GID4: variants seen among roughly 807,000 people sequenced by gnomAD.
The protein encoded by GID4 is GID complex subunit 4 homolog.
Under a neutral mutation model 32.4 loss-of-function variants are expected in GID4, and 7 were observed. The ratio of observed to expected loss-of-function variants is 0.22; its 90% CI spans 0.12 to 0.41. The LOEUF (loss-of-function observed/expected upper bound fraction) is 0.41. Ranked by LOEUF, GID4 falls within the 10% of genes least tolerant of loss-of-function variation. The probability of loss-of-function intolerance (pLI) is 1.00; values close to 1 mark genes in which losing one functional copy is unlikely to be tolerated. For missense variants in GID4, 309 were observed against 400.0 expected, an observed-to-expected ratio of 0.77 and a Z score of 1.94; for synonymous variants, 166 against 170.0, an observed-to-expected ratio of 0.98 and a Z score of 0.18.
At chr17:18,044,320 T>C (rs2044831707) in intron 1 of GID4, among the ~76,000 whole-genome samples, 1 of 152,144 alleles carries the variant, frequency 6.6e-6, no homozygotes, top group South Asian at 2.1e-4. Context: ...AAGTCTTACG[T>C]GGTAGGTAGG....
intron 2 of GID4, among the ~76,000 whole-genome samples, chr17:18,051,915 A>C (rs2044913667): frequency 6.6e-6 from 1 of 151,988 alleles, no homozygotes; most frequent in Non-Finnish European, 1.5e-5. Flanking sequence ...TCTACTAAAA[A>C]TACAAAAAAT....
intron 5 of GID4, among the ~76,000 whole-genome samples, chr17:18,064,854 G>A (rs1024142835): frequency 6.6e-6 from 1 of 152,114 alleles, no homozygotes; most frequent in African/African-American, 2.4e-5. Context: ...CAGAGCAGCC[G>A]GTGAGGTTAG....
rs1277504925 is a variant in GID4, at chr17:18,054,129, G to A, written c.501G>A (p.Glu167=). ...TGATATTTGGGTTTTTACCATAGGA[G>A]TATCCAACCCTTACAACCTTCTTCG... ...GYLKIKGLTE[E]YPTLTTFFEG... The change falls in exon 3 of 6, where the codon GAG becomes GAA. Residue 167 remains glutamate, a splice_region_variant and synonymous_variant. Coordinates refer to ENST00000268719, the MANE Select transcript of GID4 (RefSeq NM_024052.5). The A allele has an allele frequency of 2.5e-6, 4 of 1,580,048 alleles. No homozygotes were observed. The highest frequency in any genetic ancestry group is 3.4e-5 in the Admixed American group (2 of 59,536).
intron 3 of GID4, among the ~76,000 whole-genome samples, chr17:18,054,925 AC>A (rs2044950439): frequency 6.6e-6 from 1 of 152,232 alleles, no homozygotes; most frequent in South Asian, 2.1e-4. Context: ...TAATCCCAGC[AC>A]TTTGGGAGGC....
At chr17:18,060,751 T>G (rs1411509686) in intron 4 of GID4, among the ~76,000 whole-genome samples, 1 of 152,026 alleles carries the variant, frequency 6.6e-6, no homozygotes, top group Admixed American at 6.6e-5. Flanking sequence ...TTGTTTGTTT[T>G]TTGAGACAGT....
chr17:18,049,371 A>C (rs2044887486), intron 2 of GID4, among the ~76,000 whole-genome samples: 1 of 152,004 alleles, frequency 6.6e-6, no homozygotes, highest in South Asian at 2.1e-4. Context: ...TGTCAAAAAA[A>C]AAAAAAAGGA....
At chr17:18,057,294 T>G (rs1004358595) in intron 3 of GID4, 10 of 385,142 alleles carry the variant, frequency 2.6e-5, no homozygotes, top group Non-Finnish European at 4.3e-5. Context: ...TAACCAGGCA[T>G]GGTGGCACAC....
rs778457004 is a variant in GID4 at position 18,039,929 on chromosome 17, G to A, written c.438+27G>A. On this transcript the variant is annotated intron_variant, in intron 1 of 5. Coordinates refer to ENST00000268719, the MANE Select transcript of GID4 (RefSeq NM_024052.5). This position sits in a 1 kb window ranked among gnomAD's most constrained non-coding sequence, Gnocchi z 5.3. ...TGAGCGCCGGGCCGGGCCGGGGCCC[G>A]AGGGCCTCCTCGCGGCGCTCACGGG... 1.2e-5 allele frequency: 16 copies of A among 1,349,378 alleles called. No individual in the cohort carries two copies. The African/African-American group carries it at 1.8e-4, about 15-fold the overall frequency. 83.6% of individuals were successfully genotyped at this position (1,349,378 alleles called of 1,614,324 possible).
At chr17:18,046,616 C>T (rs2145553304) in intron 2 of GID4, among the ~76,000 whole-genome samples, 1 of 148,100 alleles carries the variant, frequency 6.8e-6, no homozygotes, top group South Asian at 2.1e-4. Flanking sequence ...AAGATCCTCT[C>T]TCTTTAAAAA....
chr17:18,064,587 T>TC (rs1246042739), intron 5 of GID4, among the ~76,000 whole-genome samples: 2 of 152,106 alleles, frequency 1.3e-5, no homozygotes, highest in East Asian at 3.8e-4. Flanking sequence ...CTATTTCTCC[T>TC]CCCTCTGCAT....
In GID4 at chr17:18,061,813, ATC is replaced by A; in HGVS notation, c.709-30_709-29del. On this transcript the variant is annotated intron_variant, in intron 4 of 5. Coordinates refer to ENST00000268719, the MANE Select transcript of GID4 (RefSeq NM_024052.5). The surrounding 1 kb of genome is among the most constrained non-coding windows in gnomAD (Gnocchi z 4.4). ...GCCCCGTGGGTGGTCAGAGAATGCT[ATC>A]TGTTACTGACCCTCTTCATCTGTGT... 6.2e-7 allele frequency: 1 copy of A among 1,613,090 alleles called. No homozygotes were observed. The highest frequency in any genetic ancestry group is 8.5e-7 in the Non-Finnish European group (1 of 1,179,416).
In GID4 at chr17:18,061,296, C is replaced by T. The variant is rs977329086; in HGVS notation, c.709-549C>T. On this transcript the variant is annotated intron_variant, in intron 4 of 5. Coordinates refer to ENST00000268719, the MANE Select transcript of GID4 (RefSeq NM_024052.5). The surrounding 1 kb of genome is among the most constrained non-coding windows in gnomAD (Gnocchi z 4.4). ...CAAGCTTGCCTCTCTCCTAAGGTCCCTGGTAAAGAACAGTACCGTTCTGAC... is the reference window on the plus strand; with the variant it reads ...CAAGCTTGCCTCTCTCCTAAGGTCCTTGGTAAAGAACAGTACCGTTCTGAC... 6.6e-6 allele frequency among the ~76,000 whole-genome samples: 1 copy of T among 152,144 alleles called. No homozygotes were observed. Among genetic ancestry groups the T allele is most frequent in the Non-Finnish European group, 1.5e-5 (1 of 68,026 alleles).
In GID4 at chr17:18,067,624, C is replaced by T. The variant is rs967310421; in HGVS notation, c.*2381C>T. 17 of 152,636 alleles carry T rather than the reference C, an allele frequency of 1.1e-4. No homozygotes were observed. The highest frequency in any genetic ancestry group is 1.0e-3 in the Admixed American group (16 of 15,282). 9.5% of individuals were successfully genotyped at this position (152,636 alleles called of 1,614,324 possible). Reference sequence around the variant, plus strand: ...GAATTACCAACATCAACTTCTTTCTCTCCGTTCCTGAAGGAACTTTGGGGA... The same window carrying T: ...GAATTACCAACATCAACTTCTTTCTTTCCGTTCCTGAAGGAACTTTGGGGA... On this transcript the variant is annotated 3_prime_UTR_variant, in exon 6 of 6. Transcript: ENST00000268719.
At chr17:18,063,013 G>A (rs1322865176) in intron 5 of GID4, among the ~76,000 whole-genome samples, 4 of 151,956 alleles carry the variant, frequency 2.6e-5, no homozygotes, top group African/African-American at 7.3e-5. Context: ...GGTGGAGCTT[G>A]CAGGGAGCTG....
intron 2 of GID4, 69 bp downstream of exon 2, chr17:18,045,275 A>G: frequency 7.9e-7 from 1 of 1,269,578 alleles, no homozygotes; most frequent in Non-Finnish European, 1.1e-6. Flanking sequence ...ATTGGGGTTC[A>G]GGGCAGGCGG....
At chr17:18,043,809 C>A (rs1424699262) in intron 1 of GID4, among the ~76,000 whole-genome samples, 1 of 151,228 alleles carries the variant, frequency 6.6e-6, no homozygotes, top group South Asian at 2.1e-4. Context: ...AATAAGACCT[C>A]ACTTAACATT....
intron 5 of GID4, among the ~76,000 whole-genome samples, chr17:18,062,494 T>A (rs2142154247): frequency 6.6e-6 from 1 of 152,278 alleles, no homozygotes; most frequent in African/African-American, 2.4e-5. Context: ...AATGCTAACT[T>A]TTGCCACCTT....
chr17:18,040,218 C>G (rs1353139613), intron 1 of GID4, among the ~76,000 whole-genome samples: 1 of 152,180 alleles, frequency 6.6e-6, no homozygotes, highest in African/African-American at 2.4e-5. Flanking sequence ...CTGGGTCCTT[C>G]CTCCCCATGA....
rs2045054976 is a variant in GID4 at position 18,065,640 on chromosome 17, C to G, written c.*397C>G. On this transcript the variant is annotated 3_prime_UTR_variant, in exon 6 of 6. Coordinates refer to ENST00000268719, the MANE Select transcript of GID4 (RefSeq NM_024052.5). ...TCAGTGGTCCCGAGGCCCTAGACCC[C>G]CACCCCCCGCCAGTTGCTTTGTCTG... 2 of 234,160 alleles carry G rather than the reference C, an allele frequency of 8.5e-6. No homozygotes were observed. Among genetic ancestry groups the G allele is most frequent in the Non-Finnish European group, 1.7e-5 (2 of 117,622 alleles). The allele number at this position is 234,160 out of a possible 1,614,324, so 14.5% of individuals were successfully genotyped here. A position where few individuals can be genotyped will look rare whatever the true frequency, so the allele number is the denominator to read the frequency against.
Sources: allele counts gnomAD v4.1 joint callset (sites outside exome capture counted in the v4.1 genomes callset), GRCh38; gene constraint gnomAD v4.1.1; non-coding constraint Gnocchi (gnomAD v3.1); transcripts MANE v1.5; gene names NCBI Gene and HGNC (gene_info 2026-07-23, HGNC 2026-07-21).